The following MAGI2 variants were observed in gnomAD, a reference collection of about 807,000 sequenced individuals.
The protein encoded by MAGI2 is membrane associated guanylate kinase, WW and PDZ domain containing 2.
A neutral mutation model predicts 133.3 loss-of-function variants in MAGI2; 35 were observed. The observed-to-expected ratio is 0.26, with a 90% CI of 0.20 to 0.35. The LOEUF is 0.35. MAGI2 is among the 10% of genes least tolerant of loss of function. The pLI, the probability that MAGI2 is intolerant of heterozygous loss-of-function variation, is 1.00. For synonymous variants in MAGI2, 729 were observed against 710.6 expected (o/e 1.03, Z -0.41); for missense variants, 1,636 against 1,863.4 (o/e 0.88, Z 2.25).
intron 7 of MAGI2, chr7:78,358,127 C>T (rs1233263434): frequency 6.3e-5 from 8 of 127,332 alleles, no homozygotes; most frequent in African/African-American, 9.0e-5. Flanking sequence ...TGCGCCACTG[C>T]ACTCCAGCCT....
chr7:78,821,581 A>C (rs976395660), intron 2 of MAGI2, among the ~76,000 whole-genome samples: 5 of 152,038 alleles, frequency 3.3e-5, no homozygotes, highest in African/African-American at 1.2e-4. Context: ...ACAACTTTTA[A>C]TATTTTTAAA....
chr7:78,218,040 A>G (rs1302292223), intron 10 of MAGI2, among the ~76,000 whole-genome samples: 1 of 152,250 alleles, frequency 6.6e-6, no homozygotes, highest in Admixed American at 6.5e-5. Context: ...TAGGGTTGGA[A>G]AGAGAATAGA....
At chr7:79,004,775 A>C (rs1261041415) in intron 2 of MAGI2, among the ~76,000 whole-genome samples, 1 of 152,154 alleles carries the variant, frequency 6.6e-6, no homozygotes, top group Admixed American at 6.5e-5. Context: ...GGAAGAAAAA[A>C]ATTTTTTTAA....
intron 3 of MAGI2, among the ~76,000 whole-genome samples, chr7:78,530,302 A>G (rs555318751): frequency 6.6e-6 from 1 of 152,220 alleles, no homozygotes; most frequent in Non-Finnish European, 1.5e-5. Context: ...TTAAGCATCT[A>G]GCAGATGTAC....
intron 1 of MAGI2, among the ~76,000 whole-genome samples, chr7:79,305,304 G>A (rs1837699499): frequency 6.6e-6 from 1 of 152,078 alleles, no homozygotes; most frequent in South Asian, 2.1e-4. Flanking sequence ...AACAGATCTT[G>A]TTTGTTTTCT....
intron 3 of MAGI2, among the ~76,000 whole-genome samples, chr7:78,594,247 A>G (rs1804350053): frequency 6.6e-6 from 1 of 152,206 alleles, no homozygotes; most frequent in African/African-American, 2.4e-5. Flanking sequence ...TCTACAATTT[A>G]ATTCCTATTC....
At chr7:78,021,914 A>G (rs760705059) in intron 21 of MAGI2, among the ~76,000 whole-genome samples, 34 of 152,194 alleles carry the variant, frequency 2.2e-4, no homozygotes, top group Non-Finnish European at 4.7e-4. Context: ...GGGAGGGTCA[A>G]TCATATTTTT....
chr7:79,224,859 G>A (rs980785380), intron 1 of MAGI2, among the ~76,000 whole-genome samples: 2 of 152,120 alleles, frequency 1.3e-5, no homozygotes, highest in Admixed American at 6.6e-5. Flanking sequence ...AGCTTTAGGG[G>A]GTGATGGAAA....
chr7:79,140,259 G>A (rs1242931963), intron 1 of MAGI2, among the ~76,000 whole-genome samples: 2 of 151,964 alleles, frequency 1.3e-5, no homozygotes, highest in East Asian at 1.9e-4. Context: ...CTAAAAATTG[G>A]GTGTTTATTT....
At chr7:79,346,416 A>G (rs1841317555) in intron 1 of MAGI2, among the ~76,000 whole-genome samples, 1 of 151,966 alleles carries the variant, frequency 6.6e-6, no homozygotes, top group Non-Finnish European at 1.5e-5. Flanking sequence ...CTTGTTTTCA[A>G]CATGTGGTGG....
At chr7:78,601,281 T>C (rs966238729) in intron 3 of MAGI2, among the ~76,000 whole-genome samples, 10 of 152,070 alleles carry the variant, frequency 6.6e-5, no homozygotes, top group African/African-American at 2.4e-4. Context: ...ATGAAGAAGT[T>C]AGAGAATAAT....
chr7:78,992,442 TG>T (rs1805882044), intron 2 of MAGI2, among the ~76,000 whole-genome samples: 1 of 152,078 alleles, frequency 6.6e-6, no homozygotes, highest in Non-Finnish European at 1.5e-5. Flanking sequence ...TTAAATTTAA[TG>T]GGTTATTAAG....
chr7:78,933,045 G>T (rs911749246), intron 2 of MAGI2, among the ~76,000 whole-genome samples: 1 of 152,056 alleles, frequency 6.6e-6, no homozygotes, highest in Non-Finnish European at 1.5e-5. Context: ...TTTACCAGTC[G>T]ATTATTATGC....
At chr7:79,119,918 A>G (rs1819738402) in intron 1 of MAGI2, among the ~76,000 whole-genome samples, 2 of 152,144 alleles carry the variant, frequency 1.3e-5, no homozygotes, top group Non-Finnish European at 1.5e-5. Flanking sequence ...GATTAAGAGC[A>G]TTAACGATAA....
At chr7:78,685,468 T>G (rs961277291) in intron 2 of MAGI2, among the ~76,000 whole-genome samples, 3 of 9,768 alleles carry the variant, frequency 3.1e-4, no homozygotes, top group South Asian at 3.1e-3. Context: ...TCATTGTCGT[T>G]TTTTTTTTTT....
chr7:79,357,594 C>A (rs568793420), intron 1 of MAGI2, among the ~76,000 whole-genome samples: 3 of 152,098 alleles, frequency 2.0e-5, no homozygotes, highest in Non-Finnish European at 2.9e-5. Context: ...AAGTTAAATG[C>A]GGAAACTAAG....
At chr7:79,008,382 A>C (rs567601679) in intron 1 of MAGI2, among the ~76,000 whole-genome samples, 95 of 152,272 alleles carry the variant, frequency 6.2e-4, no homozygotes, top group South Asian at 6.2e-3. Context: ...TACATATTGT[A>C]ACATTTCTAA....
At chr7:78,361,309 C>T (rs1035879362) in intron 7 of MAGI2, among the ~76,000 whole-genome samples, 1 of 150,638 alleles carries the variant, frequency 6.6e-6, no homozygotes, top group Non-Finnish European at 1.5e-5. Flanking sequence ...CAGAGAACTG[C>T]TTGAAACCGG....
chr7:78,376,867 G>A (rs1006411618), intron 6 of MAGI2, among the ~76,000 whole-genome samples: 2 of 152,010 alleles, frequency 1.3e-5, no homozygotes, highest in African/African-American at 2.4e-5. Context: ...GTTTGCAAGC[G>A]GCATTACAAG....
Sources: allele counts gnomAD v4.1 joint callset (sites outside exome capture counted in the v4.1 genomes callset), GRCh38; gene constraint gnomAD v4.1.1; transcripts MANE v1.5; gene names NCBI Gene and HGNC (gene_info 2026-07-23, HGNC 2026-07-21).